Variants in VSTM2A observed in about 807,000 individuals in gnomAD.
VSTM2A encodes V-set and transmembrane domain containing 2A.
Under a neutral mutation model 27.3 loss-of-function variants are expected in VSTM2A, and 13 were observed. The ratio of observed to expected loss-of-function variants is 0.48; its 90% CI spans 0.31 to 0.76. The LOEUF (loss-of-function observed/expected upper bound fraction) is 0.76, where lower values mean the gene tolerates loss of function less well. Ranked by LOEUF, VSTM2A falls within the 30% of genes least tolerant of loss-of-function variation. The probability of loss-of-function intolerance (pLI) is 0.05; values close to 1 mark genes in which losing one functional copy is unlikely to be tolerated. For missense variants in VSTM2A, 280 were observed against 310.0 expected (o/e 0.90, Z 0.73); for synonymous variants, 142 against 125.7 (o/e 1.13, Z -0.87).
Position 54,546,984 on chromosome 7 carries a change from G to A in VSTM2A, c.284G>A (p.Gly95Glu). 2 of 1,589,394 alleles carry A rather than the reference G, an allele frequency of 1.3e-6. No individual in the cohort carries two copies. The highest frequency in any genetic ancestry group is 1.7e-6 in the Non-Finnish European group (2 of 1,171,382). ...CCCGACAGAGACCCGGACAGCGACG[G>A]GACCAAGATCAGCGTGAGTGCGGGG... ...LLPDRDPDSD[G>E]TKISTVKVQG... Residue 95 changes from glycine (G) to glutamate (E), a missense_variant, in exon 3 of 5, where the codon GGG becomes GAG. Transcript: ENST00000402613.
intron 4 of VSTM2A, chr7:54,550,435 T>C: frequency 1.2e-6 from 1 of 816,764 alleles, no homozygotes; most frequent in African/African-American, 1.7e-5. Context: ...CCTTTCTGTA[T>C]TTACACATTA....
At chr7:54,555,755 AC>A (rs1209708450) in intron 4 of VSTM2A, among the ~76,000 whole-genome samples, 1 of 152,198 alleles carries the variant, frequency 6.6e-6, no homozygotes, top group Non-Finnish European at 1.5e-5. Flanking sequence ...TGTGCCCTGA[AC>A]AAGTGGGGCT....
chr7:54,568,963 T>C (rs1167771185), intron 4 of VSTM2A, 168 bp from the exon 5 acceptor site: 1 of 1,557,940 alleles, frequency 6.4e-7, no homozygotes, highest in Admixed American at 1.9e-5. Context: ...ATAAGGAGCG[T>C]TGGAAATCTT....
chr7:54,546,943 G>A lies in VSTM2A; in HGVS notation c.247-4G>A, dbSNP rs1188922136. ...GGGACTGAGCGTTCGCTCCTTGCCC[G>A]CAGGTGGAGCTCTTGCCCGACAGAG... On this transcript the variant is annotated splice_region_variant and splice_polypyrimidine_tract_variant and intron_variant, in intron 2 of 4. Coordinates refer to ENST00000402613, the MANE Select transcript of VSTM2A (RefSeq NM_001301009.2). 6.3e-7 allele frequency: 1 copy of A among 1,597,770 alleles called. No individual in the cohort carries two copies. Among genetic ancestry groups the A allele is most frequent in the African/African-American group, 1.4e-5 (1 of 72,922 alleles).
At chr7:54,563,534 G>T (rs1788626575) in intron 4 of VSTM2A, among the ~76,000 whole-genome samples, 1 of 152,200 alleles carries the variant, frequency 6.6e-6, no homozygotes, top group African/African-American at 2.4e-5. Flanking sequence ...GAGGAAGGCA[G>T]CATTGTGTGC....
intron 4 of VSTM2A, chr7:54,550,540 C>T: frequency 3.0e-6 from 1 of 332,060 alleles, no homozygotes; most frequent in Non-Finnish European, 5.4e-6. Context: ...AATTAAGAGG[C>T]TTTCACTTAA....
intron 4 of VSTM2A, among the ~76,000 whole-genome samples, chr7:54,554,614 G>A (rs1264391908): frequency 6.6e-6 from 1 of 152,198 alleles, no homozygotes; most frequent in Non-Finnish European, 1.5e-5. Flanking sequence ...GAAGAAGTGA[G>A]CTGTGCCAAT....
At position 54,549,739 on chromosome 7, in the gene VSTM2A, C is replaced by T. The variant is rs138232383; in HGVS notation, c.298-95C>T. The T allele has an allele frequency of 1.4e-4, 174 of 1,220,976 alleles. No individual in the cohort carries two copies. In the African/African-American group the frequency reaches 2.5e-3, roughly 18 times the overall value. 75.6% of individuals were successfully genotyped at this position (1,220,976 alleles called of 1,614,324 possible). ...CTATGGCTATGGGGCCATTAAGACC[C>T]TTTAACTTTCCAATATTAGCAAGCT... On this transcript the variant is annotated intron_variant, in intron 3 of 4. Coordinates refer to ENST00000402613, the MANE Select transcript of VSTM2A (RefSeq NM_001301009.2).
intron 4 of VSTM2A, among the ~76,000 whole-genome samples, chr7:54,555,749 C>T (rs563994976): frequency 2.6e-5 from 4 of 152,246 alleles, no homozygotes; most frequent in African/African-American, 9.6e-5. Context: ...CCTCTATGTG[C>T]CCTGAACAAG....
At chr7:54,549,626 A>G (rs1299059265) in intron 3 of VSTM2A, among the ~76,000 whole-genome samples, 1 of 152,192 alleles carries the variant, frequency 6.6e-6, no homozygotes, top group Admixed American at 6.5e-5. Context: ...TGAACTAATT[A>G]TCTCCTGAGT....
Position 54,542,621 on chromosome 7 carries a change from C to T in VSTM2A, c.-110C>T. 1.1e-6 allele frequency: 1 copy of T among 906,104 alleles called. No homozygotes were observed. The highest frequency in any genetic ancestry group is 1.8e-6 in the Non-Finnish European group (1 of 567,582). 56.1% of individuals were successfully genotyped at this position (906,104 alleles called of 1,614,324 possible). ...CGCCAAGCAAGCAGCAGGATGTTTG[C>T]AGTGTCGCGCCCAGGGCTCTGAGAC... On this transcript the variant is annotated 5_prime_UTR_variant, in exon 1 of 5. Transcript: ENST00000402613.
At chr7:54,550,788 C>G (rs1788165005) in intron 4 of VSTM2A, 1 of 153,474 alleles carries the variant, frequency 6.5e-6, no homozygotes. Flanking sequence ...ATTCTGAAGG[C>G]AGCTGTGCAA....
At chr7:54,551,359 T>G (rs1407536908) in intron 4 of VSTM2A, 1 of 152,180 alleles carries the variant, frequency 6.6e-6, no homozygotes, top group African/African-American at 2.4e-5. Flanking sequence ...ATGGATGTGA[T>G]TTGCAGATTT....
chr7:54,544,861 G>A (rs1254452164), intron 2 of VSTM2A, 73 bp downstream of exon 2: 1 of 1,480,466 alleles, frequency 6.8e-7, no homozygotes, highest in Admixed American at 2.4e-5. Context: ...CGGGGCTGGG[G>A]GCCGAGGTGC....
intron 1 of VSTM2A, among the ~76,000 whole-genome samples, chr7:54,543,237 T>C (rs931986073): frequency 5.3e-5 from 8 of 152,202 alleles, no homozygotes; most frequent in Admixed American, 4.6e-4. Context: ...TGTAGGTCCG[T>C]GTGACTCCTT....
At chr7:54,548,924 A>T (rs554849972) in intron 3 of VSTM2A, among the ~76,000 whole-genome samples, 8 of 151,704 alleles carry the variant, frequency 5.3e-5, no homozygotes, top group African/African-American at 1.9e-4. Context: ...CTTGAATCCC[A>T]AATGTCTTAT....
intron 4 of VSTM2A, among the ~76,000 whole-genome samples, chr7:54,560,143 T>A (rs1788509543): frequency 6.8e-6 from 1 of 146,164 alleles, no homozygotes; most frequent in African/African-American, 2.7e-5. Context: ...CATAAAATAT[T>A]TCAACAAATA....
intron 3 of VSTM2A, among the ~76,000 whole-genome samples, chr7:54,548,177 C>G (rs1259825510): frequency 6.6e-6 from 1 of 152,094 alleles, no homozygotes; most frequent in African/African-American, 2.4e-5. Flanking sequence ...CACCCGTCCC[C>G]CTATCATCTA....
At chr7:54,548,765 A>G (rs1297264731) in intron 3 of VSTM2A, among the ~76,000 whole-genome samples, 2 of 152,122 alleles carry the variant, frequency 1.3e-5, no homozygotes, top group Non-Finnish European at 2.9e-5. Context: ...AATTATTTGT[A>G]TATATACCTC....
Sources: allele counts gnomAD v4.1 joint callset (sites outside exome capture counted in the v4.1 genomes callset), GRCh38; gene constraint gnomAD v4.1.1; transcripts MANE v1.5; gene names NCBI Gene and HGNC (gene_info 2026-07-23, HGNC 2026-07-21).